Variants in SLC39A8 observed in about 807,000 individuals in gnomAD.
The protein encoded by SLC39A8 is solute carrier family 39 member 8.
A neutral mutation model predicts 40.4 loss-of-function variants in SLC39A8; 15 were observed. The observed-to-expected ratio is 0.37, with a 90% CI of 0.25 to 0.57. SLC39A8 has a LOEUF of 0.57. Ranked by LOEUF, SLC39A8 falls within the 20% of genes least tolerant of loss-of-function variation. The pLI, the probability that SLC39A8 is intolerant of heterozygous loss-of-function variation, is 0.75. For synonymous variants in SLC39A8, 223 were observed against 221.6 expected, an observed-to-expected ratio of 1.01 and a Z score of -0.06; for missense variants, 472 against 558.8, an observed-to-expected ratio of 0.84 and a Z score of 1.57.
intron 6 of SLC39A8, among the ~76,000 whole-genome samples, chr4:102,281,621 C>T (rs188990877): frequency 2.0e-4 from 31 of 152,158 alleles, no homozygotes; most frequent in Non-Finnish European, 4.4e-4. Context: ...AGAACAGGCA[C>T]TTAGGACCAA....
At chr4:102,300,603 C>T (rs1419929865) in intron 6 of SLC39A8, among the ~76,000 whole-genome samples, 4 of 151,972 alleles carry the variant, frequency 2.6e-5, no homozygotes, top group Admixed American at 2.6e-4. Context: ...CCTTTCTTAA[C>T]TCACTGTAAT....
intron 2 of SLC39A8, among the ~76,000 whole-genome samples, chr4:102,332,873 G>A (rs1735522959): frequency 6.6e-6 from 1 of 152,110 alleles, no homozygotes; most frequent in African/African-American, 2.4e-5. Flanking sequence ...TTAGAGACAT[G>A]GATGAAGCTG....
chr4:102,279,052 G>T (rs978783809), intron 6 of SLC39A8, among the ~76,000 whole-genome samples: 1 of 151,918 alleles, frequency 6.6e-6, no homozygotes, highest in South Asian at 2.1e-4. Context: ...TGTAGATGAC[G>T]GGTTGATGGA....
chr4:102,281,415 A>G (rs1732863991), intron 6 of SLC39A8, among the ~76,000 whole-genome samples: 1 of 152,212 alleles, frequency 6.6e-6, no homozygotes. Context: ...TTTGACATGA[A>G]TTACATCAAG....
rs1309833292 is a variant in SLC39A8, at chr4:102,344,682, T to A, written c.-20A>T. 6.9e-7 allele frequency: 1 copy of A among 1,440,406 alleles called. No individual in the cohort carries two copies. Among genetic ancestry groups the A allele is most frequent in the Non-Finnish European group, 9.1e-7 (1 of 1,103,802 alleles). 89.2% of individuals were successfully genotyped at this position (1,440,406 alleles called of 1,614,324 possible). ...GGCCATCCTGGCCTGGGCTTCCCCT[T>A]GAGGGCCCGCGACGGGCTGCCGCGC... On this transcript the variant is annotated 5_prime_UTR_variant, in exon 2 of 9. Coordinates refer to ENST00000356736, the MANE Select transcript of SLC39A8 (RefSeq NM_001135146.2).
At chr4:102,253,482 A>G in intron 11 of SLC39A8, 1 of 696,356 alleles carries the variant, frequency 1.4e-6, no homozygotes, top group Non-Finnish European at 2.7e-6. Flanking sequence ...GTGAGTTACC[A>G]TGTTTCCGTA....
At chr4:102,264,934 A>C (rs190761005) in intron 8 of SLC39A8, among the ~76,000 whole-genome samples, 1 of 152,352 alleles carries the variant, frequency 6.6e-6, no homozygotes, top group East Asian at 1.9e-4. Context: ...GCTGTTGCTT[A>C]ACGGAATGTT....
At chr4:102,315,622 G>T (rs1345133285) in intron 3 of SLC39A8, 46 bp downstream of exon 3, 18 of 1,541,640 alleles carry the variant, frequency 1.2e-5, no homozygotes, top group Non-Finnish European at 1.6e-5. Flanking sequence ...TTTCACAATG[G>T]TTCATAGACT....
At chr4:102,271,475 G>A (rs1214594949) in intron 6 of SLC39A8, among the ~76,000 whole-genome samples, 1 of 152,130 alleles carries the variant, frequency 6.6e-6, no homozygotes, top group African/African-American at 2.4e-5. Context: ...ATATATATAG[G>A]TTCAGCATTC....
intron 6 of SLC39A8, among the ~76,000 whole-genome samples, chr4:102,279,768 C>G (rs760315072): frequency 2.0e-5 from 3 of 151,980 alleles, no homozygotes; most frequent in Non-Finnish European, 2.9e-5. Context: ...ATATTTTAGT[C>G]AGGTTGCAGT....
At chr4:102,255,935 C>T (rs1001410881) in intron 11 of SLC39A8, among the ~76,000 whole-genome samples, 11 of 152,188 alleles carry the variant, frequency 7.2e-5, no homozygotes, top group African/African-American at 2.7e-4. Context: ...TTCTCACGTG[C>T]ATCCTTCTAC....
chr4:102,336,889 T>C (rs1481476486), intron 2 of SLC39A8, among the ~76,000 whole-genome samples: 3 of 152,338 alleles, frequency 2.0e-5, no homozygotes, highest in African/African-American at 7.2e-5. Flanking sequence ...AGGAATCTAC[T>C]GTTATATAAA....
chr4:102,293,867 A>C (rs1733565221), intron 6 of SLC39A8, among the ~76,000 whole-genome samples: 1 of 151,864 alleles, frequency 6.6e-6, no homozygotes, highest in South Asian at 2.1e-4. Context: ...CTGACTAAAA[A>C]CTATAATAAT....
intron 3 of SLC39A8, among the ~76,000 whole-genome samples, chr4:102,309,311 T>C (rs1433790842): frequency 4.6e-5 from 7 of 152,078 alleles, no homozygotes; most frequent in Non-Finnish European, 1.0e-4. Flanking sequence ...AGATTATAAA[T>C]GGTACTATGT....
At chr4:102,272,618 T>G (rs945929153) in intron 6 of SLC39A8, among the ~76,000 whole-genome samples, 2 of 152,094 alleles carry the variant, frequency 1.3e-5, no homozygotes, top group African/African-American at 4.8e-5. Context: ...TAATCTATCT[T>G]ATTTTTATGC....
chr4:102,262,287 T>C lies in SLC39A8; in HGVS notation c.*757A>G, dbSNP rs955964049. The C allele has an allele frequency of 4.1e-6, 4 of 985,630 alleles. No individual in the cohort carries two copies. The highest frequency in any genetic ancestry group is 1.7e-5 in the African/African-American group (1 of 57,236). 61.1% of individuals were successfully genotyped at this position (985,630 alleles called of 1,614,324 possible). ...AAACCGAGGTGTTACCAGCTTTACATACTGTTCTGCCATTTGTGAGGGGTG... is the reference window on the plus strand; with the variant it reads ...AAACCGAGGTGTTACCAGCTTTACACACTGTTCTGCCATTTGTGAGGGGTG... On this transcript the variant is annotated 3_prime_UTR_variant, in exon 9 of 9. Transcript: ENST00000356736.
intron 6 of SLC39A8, among the ~76,000 whole-genome samples, chr4:102,278,194 C>G (rs1378490013): frequency 1.3e-5 from 2 of 152,272 alleles, no homozygotes; most frequent in East Asian, 1.9e-4. Flanking sequence ...TCAGAGTGAA[C>G]AGGCAACCTA....
downstream of SLC39A8, among the ~76,000 whole-genome samples, chr4:102,257,703 G>A (rs1007415126): frequency 6.6e-6 from 1 of 152,204 alleles, no homozygotes; most frequent in African/African-American, 2.4e-5. Context: ...CCCCAACATT[G>A]CAAATGCACG....
In SLC39A8 at chr4:102,262,411, G is replaced by T. The variant is rs116397169; in HGVS notation, c.*633C>A. 1.9e-3 allele frequency: 1,886 copies of T among 985,414 alleles called. 21 individuals are homozygous for T. In the African/African-American group the frequency reaches 0.03, roughly 16 times the overall value. 61.0% of individuals were successfully genotyped at this position (985,414 alleles called of 1,614,324 possible). A position where few individuals can be genotyped will look rare whatever the true frequency, so the allele number is the denominator to read the frequency against. ...AGCCTCTAAGCCTGAACTTAGCAGG[G>T]CTAGCAAAACTTTATTTATTTCCTA... On this transcript the variant is annotated 3_prime_UTR_variant, in exon 9 of 9. Coordinates refer to ENST00000356736, the MANE Select transcript of SLC39A8 (RefSeq NM_001135146.2).
Sources: gnomAD v4.1 joint callset for allele counts (sites outside exome capture counted in the v4.1 genomes callset) on GRCh38, gnomAD v4.1.1 for gene constraint, MANE v1.5 for transcripts, NCBI Gene and HGNC (gene_info 2026-07-23, HGNC 2026-07-21) for gene names.